Variants in TUBGCP2 observed in about 807,000 individuals in gnomAD.
TUBGCP2 encodes tubulin gamma complex component 2.
Under a neutral mutation model 92.2 loss-of-function variants are expected in TUBGCP2, and 55 were observed. That is an observed-to-expected ratio of 0.60 (90% CI 0.48 to 0.75). TUBGCP2 has a LOEUF of 0.75. TUBGCP2 is among the 30% of genes least tolerant of loss of function. The pLI is 0.00. For missense variants in TUBGCP2, 1,093 were observed against 1,188.9 expected (o/e 0.92, Z 1.19); for synonymous variants, 533 against 505.2 (o/e 1.06, Z -0.74).
rs753352208 is a variant in TUBGCP2 at position 133,283,165 on chromosome 10, C to T, written c.2202G>A (p.Leu734=). ...GHHTGFLDTC[L]KDCMLTNPEL... is the part of the protein sequence containing the mutation. ...CGGGGTTGGTGAGCATGCAGTCCTTCAGGCAGGTGTCCAGGAAGCCTGTGT... is the reference window on the plus strand; with the variant it reads ...CGGGGTTGGTGAGCATGCAGTCCTTTAGGCAGGTGTCCAGGAAGCCTGTGT... Residue 734 remains leucine, a synonymous_variant, in exon 15 of 18, where the codon CTG becomes CTA. Transcript: ENST00000252936. 3.8e-5 allele frequency: 61 copies of T among 1,614,120 alleles called. No homozygotes were observed. The highest frequency in any genetic ancestry group is 5.0e-5 in the Non-Finnish European group (59 of 1,180,056).
intron 11 of TUBGCP2, among the ~76,000 whole-genome samples, 188 bp downstream of exon 11, chr10:133,287,941 C>T (rs565313970): frequency 6.6e-6 from 1 of 152,346 alleles, no homozygotes; most frequent in South Asian, 2.1e-4. Context: ...ACCCGCGCCC[C>T]TCCAGAGCAC....
chr10:133,283,881 C>A lies in TUBGCP2; in HGVS notation c.2145+1G>T. 6.2e-7 allele frequency: 1 copy of A among 1,613,712 alleles called. No individual in the cohort carries two copies. The highest frequency in any genetic ancestry group is 8.5e-7 in the Non-Finnish European group (1 of 1,179,742). ...TTATTATCTGTGGAGCTAAAACTCA[C>A]GGATTTCAGGTTTTTCTCCAGGATG... On this transcript the variant is annotated splice_donor_variant, in intron 14 of 17. Coordinates refer to ENST00000252936, the MANE Select transcript of TUBGCP2 (RefSeq NM_006659.4). LOFTEE classifies it high-confidence loss of function.
intron 14 of TUBGCP2, among the ~76,000 whole-genome samples, 156 bp downstream of exon 14, chr10:133,283,726 A>C (rs55830225): frequency 7.6e-5 from 1 of 13,170 alleles, no homozygotes; most frequent in African/African-American, 1.2e-4. Flanking sequence ...CCTCTCCCGC[A>C]CTCCCTGCCT....
At chr10:133,305,697 G>A (rs779824719) in intron 1 of TUBGCP2, among the ~76,000 whole-genome samples, 1 of 152,058 alleles carries the variant, frequency 6.6e-6, no homozygotes, top group Non-Finnish European at 1.5e-5. Flanking sequence ...CCTGTGTGAT[G>A]GAAGACAGTT....
chr10:133,299,905 C>T (rs989153338), intron 3 of TUBGCP2, 80 bp downstream of exon 3: 53 of 1,550,526 alleles, frequency 3.4e-5, no homozygotes, highest in Non-Finnish European at 4.5e-5. Context: ...AGGAAGATGG[C>T]GTGGAGTGAG....
At position 133,281,452 on chromosome 10, in the gene TUBGCP2, G is replaced by C. The variant is rs779314700; in HGVS notation, c.2410-16C>G. The stretch of plus-strand genomic sequence containing the variant: ...CAGCCAGGTGCTGGAAAGAAAGCCG[G>C]GGTGCGTGAGCCATGCCCACCCCCA... On this transcript the variant is annotated splice_polypyrimidine_tract_variant and intron_variant, in intron 16 of 17. Transcript: ENST00000252936. The C allele has an allele frequency of 9.3e-6, 15 of 1,609,000 alleles. No homozygotes were observed. The highest frequency in any genetic ancestry group is 1.8e-4 in the Middle Eastern group (1 of 5,616).
At chr10:133,309,129 A>C (rs745565613), upstream of TUBGCP2, 17 of 1,359,196 alleles carry the variant, frequency 1.3e-5, no homozygotes, top group African/African-American at 1.5e-5. Context: ...AAGTAGTTGT[A>C]GGATCCAGTG....
intron 11 of TUBGCP2, among the ~76,000 whole-genome samples, 195 bp downstream of exon 11, chr10:133,287,934 C>T (rs545398245): frequency 4.5e-4 from 68 of 152,326 alleles, no homozygotes; most frequent in African/African-American, 1.4e-3. Context: ...ACCCGAGACC[C>T]GCGCCCCTCC....
At chr10:133,290,352 G>A (rs1011428471) in intron 8 of TUBGCP2, 48 of 186,980 alleles carry the variant, frequency 2.6e-4, no homozygotes, top group African/African-American at 1.0e-3. Context: ...AATCAGCTGG[G>A]CGTGGTGGTG....
intron 5 of TUBGCP2, among the ~76,000 whole-genome samples, chr10:133,297,094 T>C (rs1485361299): frequency 6.6e-6 from 1 of 152,180 alleles, no homozygotes; most frequent in East Asian, 1.9e-4. Context: ...TTGTGAAATC[T>C]CATTTTTCAA....
rs775586504 is a variant in TUBGCP2, at chr10:133,279,863, C to T, written c.2612G>A (p.Arg871His). ...CTTCTGGCTCCTCTCTGCAGACAGGCGCTCCAGGCGCTCCGTGTAGAAACC... is the reference window on the plus strand; with the variant it reads ...CTTCTGGCTCCTCTCTGCAGACAGGTGCTCCAGGCGCTCCGTGTAGAAACC... ...FNGFYTERLE[R>H]LSAERSQKAT... Residue 871 changes from arginine to histidine, a missense_variant, in exon 18 of 18, where the codon CGC becomes CAC. Arg to His is a conservative substitution (Grantham distance 29). Transcript: ENST00000252936. 41 of 1,606,988 alleles carry T rather than the reference C, an allele frequency of 2.6e-5. No homozygotes were observed. The East Asian group carries it at 3.1e-4, about 12-fold the overall frequency.
rs1847101691 is a variant in TUBGCP2 at position 133,285,254 on chromosome 10, C to A, written c.1896-41G>T. ...CGGCACCTCAGGTGGGCCTCCGTGA[C>A]CGGCGGCGTCGTGGACACGGCGTCT... On this transcript the variant is annotated intron_variant, in intron 12 of 17. Transcript: ENST00000252936. The surrounding 1 kb of genome is among the most constrained non-coding windows in gnomAD (Gnocchi z 6.8). The A allele has an allele frequency of 6.2e-7, 1 of 1,607,876 alleles. No homozygotes were observed. The highest frequency in any genetic ancestry group is 2.2e-5 in the East Asian group (1 of 44,866).
At chr10:133,295,788 C>A (rs1429590702) in intron 5 of TUBGCP2, 2 of 152,424 alleles carry the variant, frequency 1.3e-5, no homozygotes, top group African/African-American at 4.8e-5. Flanking sequence ...CACTCCACAG[C>A]TGTTTTCCAG....
chr10:133,295,481 A>G (rs1847466719), intron 5 of TUBGCP2: 1 of 152,256 alleles, frequency 6.6e-6, no homozygotes, highest in Non-Finnish European at 1.5e-5. Flanking sequence ...CACCTCCCCA[A>G]TATTCAACAT....
In TUBGCP2 at chr10:133,281,303, C is replaced by T; in HGVS notation, c.2543G>A (p.Cys848Tyr). The change falls in exon 17 of 18, where the codon TGT becomes TAT. Residue 848 changes from cysteine to tyrosine, a missense_variant. Physicochemically the swap from Cys to Tyr is radical, Grantham distance 194. Around this residue, in one of 3 missense-constraint regions of TUBGCP2, gnomAD observed 598 missense variants for 675.5 expected, o/e 0.89. Transcript: ENST00000252936. ...GATGACGCTGGCCATGCCGTGCTCA[C>T]AGTCACTGGTGCTATAGATGCTCAG... ...ARLSIYSTSDCEHGMASVISR... is the reference protein window; with the variant it reads ...ARLSIYSTSDYEHGMASVISR... 2 of 1,612,738 alleles carry T rather than the reference C, an allele frequency of 1.2e-6. No homozygotes were observed. The highest frequency in any genetic ancestry group is 1.7e-6 in the Non-Finnish European group (2 of 1,179,946).
intron 14 of TUBGCP2, among the ~76,000 whole-genome samples, chr10:133,283,580 C>T (rs1270244462): frequency 2.0e-5 from 3 of 152,218 alleles, no homozygotes; most frequent in Admixed American, 1.3e-4. Context: ...CAAGGGGTCC[C>T]GTGTGTGGCC....
Position 133,299,981 on chromosome 10 carries a change from C to G in TUBGCP2, c.279+4G>C. The stretch of plus-strand genomic sequence containing the variant: ...GCAGTGTGGCACGTGGCATGGGCAC[C>G]TACCTCTTTGTCTTCCGTGAGCTTT... On this transcript the variant is annotated splice_donor_region_variant and intron_variant, in intron 3 of 17. Transcript: ENST00000252936. 6.2e-7 allele frequency: 1 copy of G among 1,613,770 alleles called. No homozygotes were observed. The highest frequency in any genetic ancestry group is 8.5e-7 in the Non-Finnish European group (1 of 1,179,782).
In TUBGCP2 at chr10:133,285,493, A is replaced by T; in HGVS notation, c.1858T>A (p.Tyr620Asn). Reference sequence around the variant, plus strand: ...AGCGAAAGGGGCCACTTGACGATGTAGTCGAAAGAGAAGGCCTCCAGGCCG... The same window carrying T: ...AGCGAAAGGGGCCACTTGACGATGTTGTCGAAAGAGAAGGCCTCCAGGCCG... ...LSGLEAFSFD[Y>N]IVKWPLSLII... Residue 620 changes from tyrosine (Y) to asparagine (N), a missense_variant, in exon 12 of 18, where the codon TAC (tyrosine) becomes AAC (asparagine). Physicochemically the swap from Tyr to Asn is moderately radical, Grantham distance 143 (BLOSUM62 -2). This residue lies in a region of TUBGCP2 where 598 missense variants were observed against 675.5 expected (regional missense o/e 0.89). Transcript: ENST00000252936. The surrounding 1 kb of genome is among the most constrained non-coding windows in gnomAD (Gnocchi z 6.8). 12 of 1,612,076 alleles carry T rather than the reference A, an allele frequency of 7.4e-6. No individual in the cohort carries two copies. The highest frequency in any genetic ancestry group is 1.0e-5 in the Non-Finnish European group (12 of 1,178,562).
rs1024566608 is a variant in TUBGCP2 at position 133,279,318 on chromosome 10, C to G, written c.*448G>C. The G allele has an allele frequency of 6.0e-6, 1 of 165,784 alleles. No individual in the cohort carries two copies. Among genetic ancestry groups the G allele is most frequent in the Admixed American group, 6.5e-5 (1 of 15,432 alleles). 10.3% of individuals were successfully genotyped at this position (165,784 alleles called of 1,614,324 possible). A position where few individuals can be genotyped will look rare whatever the true frequency, so the allele number is the denominator to read the frequency against. On this transcript the variant is annotated 3_prime_UTR_variant, in exon 18 of 18. Transcript: ENST00000252936. ...GGGCTGCCTCTGGGGCCAAAGCAAA[C>G]CCGACACCCGATGCCCGGTGGGTTT...
Sources: allele counts gnomAD v4.1 joint callset (sites outside exome capture counted in the v4.1 genomes callset), GRCh38; gene constraint gnomAD v4.1.1; regional missense constraint gnomAD v4.1.1; non-coding constraint Gnocchi (gnomAD v3.1); transcripts MANE v1.5; gene names NCBI Gene and HGNC (gene_info 2026-07-23, HGNC 2026-07-21).